The following PPP6R3 variants were observed in gnomAD, a reference collection of about 807,000 sequenced individuals.
PPP6R3 encodes the protein protein phosphatase 6 regulatory subunit 3.
A neutral mutation model predicts 110.7 loss-of-function variants in PPP6R3; 38 were observed. The observed-to-expected ratio is 0.34, with a 90% CI of 0.26 to 0.45. The LOEUF (loss-of-function observed/expected upper bound fraction) is 0.45, where lower values mean the gene tolerates loss of function less well. PPP6R3 is among the 20% of genes least tolerant of loss of function. PPP6R3 has a pLI of 1.00. For missense variants in PPP6R3, 870 were observed against 1,062.4 expected (o/e 0.82, Z 2.52); for synonymous variants, 369 against 373.5 (o/e 0.99, Z 0.14).
chr11:68,480,077 CT>C (rs1475429711), intron 1 of PPP6R3, among the ~76,000 whole-genome samples: 1 of 151,780 alleles, frequency 6.6e-6, no homozygotes, highest in Non-Finnish European at 1.5e-5. Context: ...GCCATTTTTG[CT>C]TTGATATTTC....
intron 1 of PPP6R3, among the ~76,000 whole-genome samples, chr11:68,468,189 T>A (rs1413454547): frequency 6.6e-6 from 1 of 152,186 alleles, no homozygotes; most frequent in Non-Finnish European, 1.5e-5. Context: ...CAGTTTTAAG[T>A]GCTATTTGTT....
At chr11:68,540,735 C>A (rs1000282380) in intron 3 of PPP6R3, among the ~76,000 whole-genome samples, 3 of 152,288 alleles carry the variant, frequency 2.0e-5, no homozygotes, top group South Asian at 2.1e-4. Context: ...CATTCTCTTT[C>A]TCAGGGATGT....
chr11:68,538,034 C>A, intron 3 of PPP6R3, 143 bp downstream of exon 3: 1 of 563,566 alleles, frequency 1.8e-6, no homozygotes. Context: ...CTCGGTGGAG[C>A]GCAAAATCCA....
Position 68,583,058 on chromosome 11 carries a change from A to G in PPP6R3, c.1561A>G (p.Ile521Val), listed in dbSNP as rs1397485534. 1 of 1,540,366 alleles carries G rather than the reference A, an allele frequency of 6.5e-7. No individual in the cohort carries two copies. Among genetic ancestry groups the G allele is most frequent in the Admixed American group, 2.0e-5 (1 of 49,664 alleles). The stretch of plus-strand genomic sequence containing the variant: ...ATGCATATAGGTTACAACCTGCCAT[A>G]TTCATTCATCCAGTGATGATGAAAT... Reference protein sequence around the residue: ...NTVDLVTTCHIHSSSDDEIDF... With the variant: ...NTVDLVTTCHVHSSSDDEIDF... Residue 521 changes from isoleucine to valine, a missense_variant, in exon 15 of 24, where the codon ATT becomes GTT. By Grantham distance (29) the Ile-to-Val change is conservative. Transcript: ENST00000393800.
chr11:68,537,587 C>A, intron 2 of PPP6R3, 72 bp from the exon 3 acceptor site: 1 of 1,056,312 alleles, frequency 9.5e-7, no homozygotes, highest in Non-Finnish European at 1.4e-6. Context: ...TAAAACTGAA[C>A]TGAAATATGA....
At chr11:68,489,519 C>G (rs1361825844) in intron 1 of PPP6R3, among the ~76,000 whole-genome samples, 1 of 150,746 alleles carries the variant, frequency 6.6e-6, no homozygotes, top group African/African-American at 2.5e-5. Flanking sequence ...TTTATTGTGG[C>G]TCACTTTCTT....
At chr11:68,470,645 T>C (rs1378674062) in intron 1 of PPP6R3, among the ~76,000 whole-genome samples, 3 of 152,204 alleles carry the variant, frequency 2.0e-5, no homozygotes, top group African/African-American at 7.2e-5. Context: ...CTGGCAGTGA[T>C]CCAGGAGAGC....
chr11:68,562,038 C>G (rs773881581), intron 8 of PPP6R3, among the ~76,000 whole-genome samples: 23 of 125,192 alleles, frequency 1.8e-4, no homozygotes, highest in Middle Eastern at 3.4e-3. Context: ...GTAGAATATC[C>G]TAAAGAACAT....
At chr11:68,530,799 C>T (rs1188857200) in intron 2 of PPP6R3, among the ~76,000 whole-genome samples, 3 of 152,182 alleles carry the variant, frequency 2.0e-5, no homozygotes, top group East Asian at 1.9e-4. Flanking sequence ...ACAGTTATTT[C>T]GCAGTTGATA....
intron 23 of PPP6R3, 49 bp from the exon 24 acceptor site, chr11:68,613,017 T>C (rs374465024): frequency 1.7e-4 from 270 of 1,613,786 alleles, no homozygotes; most frequent in Middle Eastern, 4.9e-4. Flanking sequence ...GGTTTTGTTT[T>C]TCATATTTCT....
intron 1 of PPP6R3, among the ~76,000 whole-genome samples, chr11:68,518,482 G>A (rs2099147900): frequency 6.6e-6 from 1 of 152,148 alleles, no homozygotes; most frequent in East Asian, 1.9e-4. Flanking sequence ...TCCTAAATTG[G>A]AGGGAAGAGG....
intron 1 of PPP6R3, among the ~76,000 whole-genome samples, chr11:68,461,494 T>TGGGGG (rs61434771): frequency 2.4e-5 from 2 of 83,346 alleles, no homozygotes; most frequent in Non-Finnish European, 4.8e-5. Context: ...GAGCCGGGGG[T>TGGGGG]GGGGGGGGTG....
At chr11:68,480,266 G>T (rs986760651) in intron 1 of PPP6R3, among the ~76,000 whole-genome samples, 1 of 152,084 alleles carries the variant, frequency 6.6e-6, no homozygotes, top group Non-Finnish European at 1.5e-5. Flanking sequence ...ATTTCCTCTT[G>T]TGTTTGCTGT....
chr11:68,609,077 T>C (rs1026577932), intron 22 of PPP6R3, among the ~76,000 whole-genome samples: 5 of 152,204 alleles, frequency 3.3e-5, no homozygotes, highest in East Asian at 1.9e-4. Context: ...TTCACTCTTA[T>C]TAGTGCCATT....
chr11:68,465,128 C>T (rs974220098), intron 1 of PPP6R3, among the ~76,000 whole-genome samples: 3 of 152,112 alleles, frequency 2.0e-5, no homozygotes, highest in Admixed American at 6.5e-5. Flanking sequence ...GTGATCCGCC[C>T]GCCTCGGCCT....
At chr11:68,605,064 G>A (rs1215531286) in intron 22 of PPP6R3, among the ~76,000 whole-genome samples, 7 of 152,358 alleles carry the variant, frequency 4.6e-5, no homozygotes. Context: ...AGCTGGCCGA[G>A]TGTGGTGGCT....
intron 9 of PPP6R3, 60 bp downstream of exon 9, chr11:68,564,492 G>A (rs1166343109): frequency 2.5e-6 from 4 of 1,574,842 alleles, no homozygotes; most frequent in Non-Finnish European, 2.6e-6. Flanking sequence ...ACAGTCATTC[G>A]AATGTGTACG....
intron 8 of PPP6R3, among the ~76,000 whole-genome samples, chr11:68,561,317 C>G (rs138160265): frequency 4.5e-4 from 68 of 152,216 alleles, no homozygotes; most frequent in African/African-American, 1.6e-3. Context: ...CCAGGCTGGC[C>G]TTGAACACCT....
chr11:68,567,895 A>C (rs1005043276), intron 10 of PPP6R3, among the ~76,000 whole-genome samples: 15 of 152,172 alleles, frequency 9.9e-5, no homozygotes, highest in African/African-American at 3.6e-4. Flanking sequence ...TCTTATGTAC[A>C]CTATTCATGT....
Sources: gnomAD v4.1 joint callset for allele counts (sites outside exome capture counted in the v4.1 genomes callset) on GRCh38, gnomAD v4.1.1 for gene constraint, MANE v1.5 for transcripts, NCBI Gene and HGNC (gene_info 2026-07-23, HGNC 2026-07-21) for gene names.